The following TEX48 variants were observed in gnomAD, a reference collection of about 807,000 sequenced individuals.
The protein encoded by TEX48 is testis expressed 48.
TEX48 carries 10 observed loss-of-function variants against 13.2 expected under a neutral mutation model. The ratio of observed to expected loss-of-function variants is 0.75; its 90% CI spans 0.47 to 1.28. TEX48 has a LOEUF of 1.28. Ranked by LOEUF, TEX48 falls within the 50% of genes most tolerant of loss-of-function variation. TEX48 has a pLI of 0.00. For synonymous variants in TEX48, 45 were observed against 52.3 expected (o/e 0.86, Z 0.60); for missense variants, 116 against 139.4 (o/e 0.83, Z 0.84).
At position 114,668,268 on chromosome 9, in the gene TEX48, G is replaced by C. The variant is rs1827879446; in HGVS notation, c.197C>G (p.Pro66Arg). 6.5e-7 allele frequency: 1 copy of C among 1,535,654 alleles called. No homozygotes were observed. The highest frequency in any genetic ancestry group is 1.2e-5 in the South Asian group (1 of 84,060). ...TGTCTGGATCAGGGGTGTTCTCGAA[G>C]GCAAATGGGAGACTGCGTTAATGCG... ...PKRINAVSHL[P>R]SRTPLIQTKK... Residue 66 changes from proline (P) to arginine (R), a missense_variant, in exon 4 of 5, where the codon CCT becomes CGT. By Grantham distance (103) the Pro-to-Arg change is moderately radical. Coordinates refer to ENST00000436752, the MANE Select transcript of TEX48 (RefSeq NM_001199233.2).
At chr9:114,681,815 C>G (rs1564319285) in intron 1 of TEX48, among the ~76,000 whole-genome samples, 2 of 118,460 alleles carry the variant, frequency 1.7e-5, no homozygotes, top group South Asian at 6.4e-4. Context: ...AACAGGAAGG[C>G]TTCTGGCGCT....
At chr9:114,681,037 A>G (rs1828189029) in intron 1 of TEX48, among the ~76,000 whole-genome samples, 1 of 152,248 alleles carries the variant, frequency 6.6e-6, no homozygotes, top group African/African-American at 2.4e-5. Context: ...TGTTTCATGT[A>G]GTGAATGCAG....
chr9:114,678,039 G>C (rs914035801), intron 1 of TEX48, among the ~76,000 whole-genome samples: 4 of 152,066 alleles, frequency 2.6e-5, no homozygotes, highest in Non-Finnish European at 5.9e-5. Context: ...TAGGATTACT[G>C]TAGCCATGAT....
intron 1 of TEX48, among the ~76,000 whole-genome samples, chr9:114,681,150 G>A (rs1589381679): frequency 6.6e-6 from 1 of 152,144 alleles, no homozygotes; most frequent in South Asian, 2.1e-4. Flanking sequence ...TATACACCAC[G>A]TTTTGCACCT....
At chr9:114,676,670 A>G (rs1589379726) in intron 1 of TEX48, among the ~76,000 whole-genome samples, 3 of 149,956 alleles carry the variant, frequency 2.0e-5, no homozygotes, top group Non-Finnish European at 3.0e-5. Flanking sequence ...AGGCTGGAGT[A>G]CAGTGGCGCA....
chr9:114,677,969 C>G (rs937063690), intron 1 of TEX48, among the ~76,000 whole-genome samples: 11 of 151,958 alleles, frequency 7.2e-5, no homozygotes, highest in African/African-American at 2.7e-4. Flanking sequence ...TATATATACT[C>G]TCACTATAGG....
chr9:114,680,348 A>C (rs892950103), intron 1 of TEX48, among the ~76,000 whole-genome samples: 2 of 151,976 alleles, frequency 1.3e-5, no homozygotes, highest in Admixed American at 6.6e-5. Flanking sequence ...GCTGGTCTCG[A>C]ACTCCTGACC....
intron 1 of TEX48, among the ~76,000 whole-genome samples, chr9:114,677,571 A>T (rs1445038401): frequency 6.6e-6 from 1 of 152,138 alleles, no homozygotes; most frequent in Admixed American, 6.5e-5. Flanking sequence ...TGAATGTAGA[A>T]GGATGCACTT....
At chr9:114,674,708 G>T in intron 1 of TEX48, among the ~76,000 whole-genome samples, 1 of 142,294 alleles carries the variant, frequency 7.0e-6, no homozygotes, top group Non-Finnish European at 1.5e-5. Flanking sequence ...TCTTGACAGG[G>T]TCTAGCTCTA....
intron 3 of TEX48, among the ~76,000 whole-genome samples, chr9:114,669,870 G>A (rs867572047): frequency 1.6e-4 from 24 of 152,118 alleles, no homozygotes; most frequent in African/African-American, 5.3e-4. Context: ...CACTGTGCCC[G>A]GCCCAGATTT....
intron 1 of TEX48, among the ~76,000 whole-genome samples, chr9:114,677,816 T>C (rs1828104500): frequency 6.6e-6 from 1 of 152,086 alleles, no homozygotes; most frequent in Non-Finnish European, 1.5e-5. Context: ...TTTTTGATCA[T>C]GTGGCCTCTT....
chr9:114,675,802 C>T (rs759640978), intron 1 of TEX48, among the ~76,000 whole-genome samples: 24 of 152,236 alleles, frequency 1.6e-4, no homozygotes, highest in Non-Finnish European at 3.2e-4. Flanking sequence ...CACTCACCGC[C>T]CTACAGCCAT....
At chr9:114,673,906 A>G (rs1405792873) in intron 1 of TEX48, among the ~76,000 whole-genome samples, 2 of 151,948 alleles carry the variant, frequency 1.3e-5, no homozygotes, top group African/African-American at 4.8e-5. Context: ...CCTGGGCTCA[A>G]GTGATCCTCC....
intron 1 of TEX48, among the ~76,000 whole-genome samples, chr9:114,673,600 T>C (rs1169534118): frequency 2.0e-5 from 3 of 152,074 alleles, no homozygotes; most frequent in African/African-American, 7.2e-5. Flanking sequence ...TGTAAACCTT[T>C]CACTTCATAT....
At chr9:114,670,566 CAAG>C (rs1827929593) in intron 3 of TEX48, among the ~76,000 whole-genome samples, 1 of 151,278 alleles carries the variant, frequency 6.6e-6, no homozygotes, top group Admixed American at 6.6e-5. Context: ...CATGGATCTT[CAAG>C]AAGGTTTTGA....
chr9:114,675,799 C>T (rs967782121), intron 1 of TEX48, among the ~76,000 whole-genome samples: 3 of 152,226 alleles, frequency 2.0e-5, no homozygotes, highest in Non-Finnish European at 4.4e-5. Flanking sequence ...TTGCACTCAC[C>T]GCCCTACAGC....
intron 1 of TEX48, among the ~76,000 whole-genome samples, chr9:114,673,784 G>A (rs1827996231): frequency 6.8e-6 from 1 of 146,568 alleles, no homozygotes; most frequent in South Asian, 2.2e-4. Flanking sequence ...ATAAGAAATA[G>A]CAAATATGTG....
chr9:114,671,772 C>T lies in TEX48; in HGVS notation c.-49G>A. 3 of 1,534,308 alleles carry T rather than the reference C, an allele frequency of 2.0e-6. No individual in the cohort carries two copies. Among genetic ancestry groups the T allele is most frequent in the Non-Finnish European group, 1.7e-6 (2 of 1,145,732 alleles). ...CTGCCAGCTTTGTCTGCAGGGGTGC[C>T]TTGTTGAATCAGCCAGTCTTGAGTT... On this transcript the variant is annotated 5_prime_UTR_variant, in exon 2 of 5. Coordinates refer to ENST00000436752, the MANE Select transcript of TEX48 (RefSeq NM_001199233.2).
intron 1 of TEX48, among the ~76,000 whole-genome samples, chr9:114,676,433 G>A (rs918077411): frequency 2.6e-5 from 4 of 151,736 alleles, no homozygotes; most frequent in African/African-American, 9.7e-5. Flanking sequence ...GCCTCCAAAA[G>A]TGCTGGGTTA....
Sources: gnomAD v4.1 joint callset for allele counts (sites outside exome capture counted in the v4.1 genomes callset) on GRCh38, gnomAD v4.1.1 for gene constraint, MANE v1.5 for transcripts, NCBI Gene and HGNC (gene_info 2026-07-23, HGNC 2026-07-21) for gene names.